The following PRKACB variants were observed in gnomAD, a reference collection of about 807,000 sequenced individuals.
PRKACB encodes protein kinase cAMP-activated catalytic subunit beta, also known as cAMP-dependent protein kinase catalytic subunit beta.
Under a neutral mutation model 51.4 loss-of-function variants are expected in PRKACB, and 16 were observed. The observed-to-expected ratio is 0.31, with a 90% CI of 0.21 to 0.47. PRKACB has a LOEUF of 0.47. Among genes scored for constraint, PRKACB ranks in the 20% least tolerant of loss-of-function variants. The pLI is 1.00. For synonymous variants in PRKACB, 147 were observed against 154.4 expected (o/e 0.95, Z 0.35); for missense variants, 309 against 464.5 (o/e 0.67, Z 3.08).
In PRKACB at chr1:84,214,082, CTT is replaced by C. The variant is rs1357697762; in HGVS notation, c.907-69_907-68del. On this transcript the variant is annotated intron_variant, in intron 8 of 9. Coordinates refer to ENST00000370685, the MANE Select transcript of PRKACB (RefSeq NM_182948.4). ...ATGGCTTGTTGCCTTGAAAAAAAAA[CTT>C]TATGAAATCAAAACAGAAATATCAT... 4.3e-6 allele frequency: 6 copies of C among 1,401,248 alleles called. No individual in the cohort carries two copies. In the African/African-American group the frequency reaches 5.9e-5, roughly 14 times the overall value. 86.8% of individuals were successfully genotyped at this position (1,401,248 alleles called of 1,614,324 possible).
intron 1 of PRKACB, among the ~76,000 whole-genome samples, chr1:84,167,808 C>CTA (rs1658008789): frequency 6.6e-6 from 1 of 151,346 alleles, no homozygotes; most frequent in South Asian, 2.1e-4. Flanking sequence ...AATACAATAA[C>CTA]CATAGTATTT....
intron 2 of PRKACB, among the ~76,000 whole-genome samples, chr1:84,180,208 A>ATATATATATATATATG (rs933229907): frequency 4.6e-5 from 6 of 129,942 alleles, no homozygotes; most frequent in African/African-American, 1.4e-4. Context: ...ATATATATAT[A>ATATATATATATATATG]TGTATGATGG....
intron 9 of PRKACB, among the ~76,000 whole-genome samples, chr1:84,221,377 AT>A (rs200854976): frequency 3.4e-5 from 5 of 148,172 alleles, no homozygotes; most frequent in African/African-American, 1.2e-4. Context: ...AATTTTGGTT[AT>A]TTTTTTAAAA....
intron 8 of PRKACB, among the ~76,000 whole-genome samples, chr1:84,210,121 T>C (rs566279460): frequency 6.6e-6 from 1 of 152,308 alleles, no homozygotes; most frequent in Admixed American, 6.5e-5. Context: ...ATAAACACCA[T>C]GTGTTGAGAG....
In PRKACB at chr1:84,085,833, C is replaced by T. The variant is rs1571518151; in HGVS notation, c.46+7462C>T. ...GGTGGCCACCTCTCACTTCTGGAGCCCTGCAGACCCCACAGTGCAGTCCTG... is the reference window on the plus strand; with the variant it reads ...GGTGGCCACCTCTCACTTCTGGAGCTCTGCAGACCCCACAGTGCAGTCCTG... On this transcript the variant is annotated intron_variant, in intron 1 of 8. Transcript: ENST00000370688. 1.5e-5 allele frequency: 7 copies of T among 453,908 alleles called. 1 individual carries two copies. Among genetic ancestry groups the T allele is most frequent in the Middle Eastern group, 5.0e-4 (1 of 1,998 alleles). The allele number at this position is 453,908 out of a possible 1,614,324, so 28.1% of individuals were successfully genotyped here.
At chr1:84,163,696 GC>G (rs1229312830) in intron 1 of PRKACB, among the ~76,000 whole-genome samples, 2 of 151,998 alleles carry the variant, frequency 1.3e-5, no homozygotes, top group African/African-American at 4.8e-5. Context: ...GTTTATGACT[GC>G]TCGATTTCCA....
intron 1 of PRKACB, among the ~76,000 whole-genome samples, chr1:84,104,202 T>A (rs1173782288): frequency 6.6e-6 from 1 of 152,204 alleles, no homozygotes. Flanking sequence ...TTTTAAAAGC[T>A]CCCTCATATG....
intron 5 of PRKACB, among the ~76,000 whole-genome samples, chr1:84,188,499 T>C (rs1284945038): frequency 6.6e-6 from 1 of 151,908 alleles, no homozygotes; most frequent in Non-Finnish European, 1.5e-5. Flanking sequence ...TGGGTAAAAA[T>C]CTGATGAAAG....
At chr1:84,179,739 T>G (rs1662576900) in intron 2 of PRKACB, among the ~76,000 whole-genome samples, 1 of 151,974 alleles carries the variant, frequency 6.6e-6, no homozygotes, top group African/African-American at 2.4e-5. Context: ...TAAAAAACCA[T>G]CTATACTTTA....
chr1:84,120,893 A>G (rs1651012016), intron 1 of PRKACB, among the ~76,000 whole-genome samples: 1 of 152,084 alleles, frequency 6.6e-6, no homozygotes, highest in Admixed American at 6.6e-5. Flanking sequence ...ATGGTTGAAG[A>G]AACACCAGGT....
chr1:84,138,497 G>A lies in PRKACB; in HGVS notation c.47-40680G>A, dbSNP rs575126036. ...GAAATTGATAACTCAGTAATACTCTGTTTATTGAAGACATTGTATTAGTAT... is the reference window on the plus strand; with the variant it reads ...GAAATTGATAACTCAGTAATACTCTATTTATTGAAGACATTGTATTAGTAT... On this transcript the variant is annotated intron_variant, in intron 1 of 8. Transcript: ENST00000370688. Among the ~76,000 whole-genome samples the A allele has an allele frequency of 3.9e-5, 6 of 152,064 alleles. No homozygotes were observed. The East Asian group carries it at 1.2e-3, about 29-fold the overall frequency.
At chr1:84,122,552 A>G (rs2100891274) in intron 1 of PRKACB, among the ~76,000 whole-genome samples, 1 of 152,336 alleles carries the variant, frequency 6.6e-6, no homozygotes, top group South Asian at 2.1e-4. Context: ...CAATATAAGA[A>G]CAACTGTTTT....
chr1:84,134,762 G>A (rs1307027843), intron 1 of PRKACB, among the ~76,000 whole-genome samples: 3 of 152,070 alleles, frequency 2.0e-5, no homozygotes, highest in South Asian at 2.1e-4. Flanking sequence ...TGTGAATGGT[G>A]TAAACATCCA....
chr1:84,227,171 A>C (rs1674755409), intron 9 of PRKACB, among the ~76,000 whole-genome samples: 2 of 152,188 alleles, frequency 1.3e-5, no homozygotes, highest in South Asian at 4.1e-4. Flanking sequence ...TGAGTTTAGA[A>C]AGTTTCCAGG....
Position 84,182,319 on chromosome 1 carries a change from T to C in PRKACB, c.369T>C (p.Asp123=), listed in dbSNP as rs775091017. Residue 123 remains aspartate (D), a synonymous_variant, in exon 3 of 10, where the codon GAT becomes GAC. Transcript: ENST00000370685. Reference sequence around the variant, plus strand: ...AGTATTATGCCATGAAGATCTTAGATAAGCAGAAGGTGAGTGTATTTGTTG... The same window carrying C: ...AGTATTATGCCATGAAGATCTTAGACAAGCAGAAGGTGAGTGTATTTGTTG... ...TEQYYAMKIL[D]KQKVVKLKQI... The C allele has an allele frequency of 2.5e-6, 4 of 1,569,472 alleles. No individual in the cohort carries two copies. In the South Asian group the frequency reaches 5.0e-5, roughly 20 times the overall value.
At chr1:84,152,301 A>G (rs543443042) in intron 1 of PRKACB, among the ~76,000 whole-genome samples, 2 of 152,276 alleles carry the variant, frequency 1.3e-5, no homozygotes, top group East Asian at 3.9e-4. Context: ...GATTTAGCAT[A>G]GTTTTTGAGG....
intron 1 of PRKACB, among the ~76,000 whole-genome samples, chr1:84,096,299 T>G (rs1459879749): frequency 6.6e-6 from 1 of 152,092 alleles, no homozygotes; most frequent in Non-Finnish European, 1.5e-5. Flanking sequence ...TTTGCTTAGT[T>G]TTCTAATCTC....
upstream of PRKACB, among the ~76,000 whole-genome samples, chr1:84,139,834 G>C (rs574084069): frequency 6.6e-6 from 1 of 152,184 alleles, no homozygotes; most frequent in Non-Finnish European, 1.5e-5. Flanking sequence ...TGAGGTGGGC[G>C]GATCACGAGG....
At chr1:84,230,399 T>A (rs1387848916) in intron 9 of PRKACB, among the ~76,000 whole-genome samples, 1 of 152,222 alleles carries the variant, frequency 6.6e-6, no homozygotes, top group East Asian at 1.9e-4. Flanking sequence ...TGGCTTAGGA[T>A]TGATTTGGCG....
Sources: gnomAD v4.1 joint callset for allele counts (sites outside exome capture counted in the v4.1 genomes callset) on GRCh38, gnomAD v4.1.1 for gene constraint, MANE v1.5 for transcripts, NCBI Gene and HGNC (gene_info 2026-07-23, HGNC 2026-07-21) for gene names.